The following HPSE2 variants were observed in gnomAD, a reference collection of about 807,000 sequenced individuals.
The protein encoded by HPSE2 is heparanase 2 (inactive).
In HPSE2, 38 loss-of-function variants were observed where a neutral mutation model predicts 60.5. That is an observed-to-expected ratio of 0.63 (90% confidence interval 0.48 to 0.82). HPSE2 has a LOEUF of 0.82. Ranked by LOEUF, HPSE2 falls within the 40% of genes least tolerant of loss-of-function variation. HPSE2 has a pLI of 0.00. For missense variants in HPSE2, 713 were observed against 740.4 expected, an observed-to-expected ratio of 0.96 and a Z score of 0.43; for synonymous variants, 295 against 293.2, an observed-to-expected ratio of 1.01 and a Z score of -0.06.
chr10:98,679,069 T>C (rs1305290173), intron 6 of HPSE2, among the ~76,000 whole-genome samples: 2 of 152,026 alleles, frequency 1.3e-5, no homozygotes, highest in Non-Finnish European at 2.9e-5. Flanking sequence ...CCAGAGAAAG[T>C]TGAATTATAT....
intron 9 of HPSE2, among the ~76,000 whole-genome samples, chr10:98,544,586 G>A (rs545463487): frequency 6.6e-5 from 10 of 151,540 alleles, no homozygotes; most frequent in East Asian, 3.9e-4. Flanking sequence ...GGTGGCGGGC[G>A]CCTGTAGTCC....
At chr10:99,275,186 G>A in the HPSE2 span, among the ~76,000 whole-genome samples, 1 of 152,298 alleles carries the variant, frequency 6.6e-6, no homozygotes, top group Middle Eastern at 3.4e-3. Context: ...GGTAATGGCT[G>A]TTAGAGAACT....
intron 3 of HPSE2, among the ~76,000 whole-genome samples, chr10:98,925,667 G>A (rs1446813493): frequency 6.6e-6 from 1 of 152,120 alleles, no homozygotes; most frequent in Non-Finnish European, 1.5e-5. Context: ...GTAAGTCCAG[G>A]CTCCCTACTC....
chr10:99,278,219 G>A, the HPSE2 span, among the ~76,000 whole-genome samples: 1 of 151,952 alleles, frequency 6.6e-6, no homozygotes, highest in African/African-American at 2.4e-5. Context: ...AAGTTTGGAA[G>A]ATAGACATGG....
intron 3 of HPSE2, among the ~76,000 whole-genome samples, chr10:99,112,191 G>A (rs1395194464): frequency 6.6e-6 from 1 of 152,118 alleles, no homozygotes; most frequent in African/African-American, 2.4e-5. Flanking sequence ...CCCTAATACA[G>A]TAACAATAAT....
At chr10:98,484,394 C>A (rs927364354) in intron 10 of HPSE2, among the ~76,000 whole-genome samples, 2 of 152,190 alleles carry the variant, frequency 1.3e-5, no homozygotes, top group Non-Finnish European at 2.9e-5. Flanking sequence ...TGCGCCACCA[C>A]GCCCAGCTAA....
chr10:99,096,093 TA>T (rs1406263324), intron 3 of HPSE2, among the ~76,000 whole-genome samples: 2 of 152,202 alleles, frequency 1.3e-5, no homozygotes, highest in African/African-American at 4.8e-5. Context: ...CAAATCTTCA[TA>T]AAGTTCATAT....
chr10:98,727,895 T>C (rs989832789), intron 4 of HPSE2, among the ~76,000 whole-genome samples: 2 of 152,172 alleles, frequency 1.3e-5, no homozygotes, highest in South Asian at 2.1e-4. Flanking sequence ...TAGGATGATA[T>C]ATTCAAAATG....
chr10:99,161,253 T>C (rs904468884), intron 2 of HPSE2, among the ~76,000 whole-genome samples: 9 of 151,342 alleles, frequency 5.9e-5, no homozygotes, highest in Admixed American at 2.0e-4. Context: ...CATGAATATT[T>C]ATAGTAGCAT....
chr10:98,665,157 A>G (rs1301860423), intron 6 of HPSE2, among the ~76,000 whole-genome samples: 1 of 152,208 alleles, frequency 6.6e-6, no homozygotes, highest in African/African-American at 2.4e-5. Context: ...TATAATCAGA[A>G]CCACTAACAG....
chr10:99,287,298 T>A, the HPSE2 span, among the ~76,000 whole-genome samples: 129,875 of 151,902 alleles, frequency 0.85, 55,874 homozygotes, highest in African/African-American at 0.92. Context: ...TATGATTAGG[T>A]ATGACAATTG....
intron 2 of HPSE2, among the ~76,000 whole-genome samples, chr10:99,155,781 C>T (rs1047315000): frequency 6.8e-6 from 1 of 146,992 alleles, no homozygotes; most frequent in South Asian, 2.2e-4. Flanking sequence ...AATAGAGACA[C>T]AAAAAACCCT....
At chr10:98,874,172 GTT>G (rs59429630) in intron 3 of HPSE2, among the ~76,000 whole-genome samples, 11 of 144,718 alleles carry the variant, frequency 7.6e-5, no homozygotes, top group Non-Finnish European at 1.1e-4. Context: ...TCACTCTGAT[GTT>G]TTTTTTTTTT....
chr10:98,757,438 G>A (rs34627138), intron 3 of HPSE2, among the ~76,000 whole-genome samples: 28,156 of 151,950 alleles, frequency 0.19, 3,083 homozygotes, highest in East Asian at 0.34. Flanking sequence ...AAACCCTAAA[G>A]ACTCCACCAA....
At chr10:98,799,991 A>G (rs982547471) in intron 3 of HPSE2, among the ~76,000 whole-genome samples, 1 of 152,194 alleles carries the variant, frequency 6.6e-6, no homozygotes, top group Non-Finnish European at 1.5e-5. Context: ...AATGAAACAA[A>G]AAGTTGTTTT....
intron 2 of HPSE2, among the ~76,000 whole-genome samples, chr10:99,150,206 T>C (rs1413675485): frequency 3.3e-5 from 5 of 152,220 alleles, no homozygotes; most frequent in Non-Finnish European, 5.9e-5. Context: ...TAAAAGCATT[T>C]GTATTTTTGT....
chr10:98,537,160 C>T (rs772253766), intron 9 of HPSE2, among the ~76,000 whole-genome samples: 6 of 152,112 alleles, frequency 3.9e-5, no homozygotes, highest in Non-Finnish European at 8.8e-5. Context: ...ACAGTGATGC[C>T]ATTTGTTTAG....
At chr10:98,807,340 C>A (rs1951066201) in intron 3 of HPSE2, among the ~76,000 whole-genome samples, 1 of 152,180 alleles carries the variant, frequency 6.6e-6, no homozygotes, top group South Asian at 2.1e-4. Context: ...AACTTCCATC[C>A]ACTTCCCACC....
intron 2 of HPSE2, among the ~76,000 whole-genome samples, chr10:99,209,301 C>G (rs1848872726): frequency 6.6e-6 from 1 of 152,018 alleles, no homozygotes; most frequent in Non-Finnish European, 1.5e-5. Flanking sequence ...ATTTTCCAAC[C>G]ACAATAGTAT....
Sources: allele counts gnomAD v4.1 joint callset (sites outside exome capture counted in the v4.1 genomes callset), GRCh38; gene constraint gnomAD v4.1.1; transcripts MANE v1.5; gene names NCBI Gene and HGNC (gene_info 2026-07-23, HGNC 2026-07-21).